RALGPS1: variants seen among roughly 807,000 people sequenced by gnomAD.
The protein encoded by RALGPS1 is ras-specific guanine nucleotide-releasing factor RalGPS1.
Under a neutral mutation model 78.8 loss-of-function variants are expected in RALGPS1, and 19 were observed. The ratio of observed to expected loss-of-function variants is 0.24; its 90% CI spans 0.17 to 0.35. RALGPS1 has a LOEUF of 0.35. Ranked by LOEUF, RALGPS1 falls within the 10% of genes least tolerant of loss-of-function variation. The probability of loss-of-function intolerance (pLI) is 1.00; values close to 1 mark genes in which losing one functional copy is unlikely to be tolerated. For missense variants in RALGPS1, 454 were observed against 688.3 expected, an observed-to-expected ratio of 0.66 and a Z score of 3.81; for synonymous variants, 228 against 256.3, an observed-to-expected ratio of 0.89 and a Z score of 1.06.
intron 8 of RALGPS1, among the ~76,000 whole-genome samples, chr9:127,073,508 T>G (rs1221023228): frequency 6.9e-6 from 1 of 145,582 alleles, no homozygotes; most frequent in Non-Finnish European, 1.6e-5. Context: ...CTTTATCCAT[T>G]TATCTGCTGA....
Position 127,212,091 on chromosome 9 carries a change from G to T in RALGPS1, c.1248-40G>T. On this transcript the variant is annotated intron_variant, in intron 14 of 18. Coordinates refer to ENST00000259351, the MANE Select transcript of RALGPS1 (RefSeq NM_014636.3). This position sits in a 1 kb window ranked among gnomAD's most constrained non-coding sequence, Gnocchi z 6.0. Reference sequence around the variant, plus strand: ...GTGAGTGAGAGGGTGCTTGACCTCAGCTCCTCCAGGGCGATGTCTGACTGG... The same window carrying T: ...GTGAGTGAGAGGGTGCTTGACCTCATCTCCTCCAGGGCGATGTCTGACTGG... The T allele has an allele frequency of 6.5e-7, 1 of 1,539,670 alleles. No homozygotes were observed. The highest frequency in any genetic ancestry group is 8.9e-7 in the Non-Finnish European group (1 of 1,129,804).
chr9:126,949,397 C>G (rs1443764609), intron 1 of RALGPS1, among the ~76,000 whole-genome samples: 1 of 152,058 alleles, frequency 6.6e-6, no homozygotes, highest in East Asian at 1.9e-4. Flanking sequence ...CACTGACTTC[C>G]ACAATGGTTG....
At chr9:126,964,363 C>A (rs1177765217) in intron 2 of RALGPS1, among the ~76,000 whole-genome samples, 1 of 146,278 alleles carries the variant, frequency 6.8e-6, no homozygotes, top group Admixed American at 6.8e-5. Context: ...AGCGAGACTC[C>A]CACTCAAAAA....
intron 11 of RALGPS1, among the ~76,000 whole-genome samples, chr9:127,175,861 G>A (rs370449052): frequency 1.8e-4 from 27 of 152,118 alleles, no homozygotes; most frequent in African/African-American, 5.5e-4. Context: ...CCCCTAGCCC[G>A]TTGACCTGCT....
chr9:126,978,600 C>T (rs1450828276), intron 4 of RALGPS1, among the ~76,000 whole-genome samples: 1 of 142,688 alleles, frequency 7.0e-6, no homozygotes, highest in Non-Finnish European at 1.5e-5. Flanking sequence ...AAGAGCGAGA[C>T]TCTGTCAAAA....
At chr9:127,188,201 A>G (rs938586841) in intron 11 of RALGPS1, among the ~76,000 whole-genome samples, 3 of 151,746 alleles carry the variant, frequency 2.0e-5, no homozygotes, top group African/African-American at 4.8e-5. Context: ...AGCTGGGACT[A>G]TAGGTGCCTG....
intron 8 of RALGPS1, among the ~76,000 whole-genome samples, chr9:127,133,344 A>G (rs1588091701): frequency 6.6e-6 from 1 of 152,226 alleles, no homozygotes; most frequent in East Asian, 1.9e-4. Context: ...CTGACACTGG[A>G]AACCCCCTCT....
At chr9:127,202,594 C>T (rs991666476) in intron 14 of RALGPS1, among the ~76,000 whole-genome samples, 7 of 152,264 alleles carry the variant, frequency 4.6e-5, no homozygotes, top group South Asian at 2.1e-4. Flanking sequence ...GGCAAGGACA[C>T]AGGGCCTGTG....
At chr9:126,975,933 A>G (rs933162347) in intron 3 of RALGPS1, among the ~76,000 whole-genome samples, 2 of 152,136 alleles carry the variant, frequency 1.3e-5, no homozygotes, top group Non-Finnish European at 2.9e-5. Flanking sequence ...CATGAAGAAC[A>G]CTAGCTCCGC....
At chr9:127,210,650 G>C in intron 14 of RALGPS1, 1 of 1,430,296 alleles carries the variant, frequency 7.0e-7, no homozygotes, top group South Asian at 1.2e-5. Context: ...AGGAGCATCT[G>C]GTCTTTCAAA....
intron 4 of RALGPS1, among the ~76,000 whole-genome samples, chr9:127,030,574 G>A (rs185641159): frequency 7.8e-4 from 119 of 152,252 alleles, no homozygotes; most frequent in African/African-American, 2.8e-3. Context: ...GTGAGTTTAA[G>A]TCGTTCTCTT....
chr9:127,087,082 G>A (rs1238369517), intron 8 of RALGPS1, among the ~76,000 whole-genome samples: 1 of 152,192 alleles, frequency 6.6e-6, no homozygotes, highest in African/African-American at 2.4e-5. Context: ...TGCCCGTGAG[G>A]TGCTTGGAGG....
chr9:127,000,590 C>T (rs541487829), intron 4 of RALGPS1, among the ~76,000 whole-genome samples: 5 of 112,264 alleles, frequency 4.5e-5, no homozygotes, highest in South Asian at 3.1e-4. Flanking sequence ...CTCTTGTTGC[C>T]GAGGCTGGAG....
intron 4 of RALGPS1, among the ~76,000 whole-genome samples, chr9:127,013,397 C>T (rs540457456): frequency 6.6e-6 from 1 of 152,226 alleles, no homozygotes; most frequent in South Asian, 2.1e-4. Context: ...CTGATTCTTT[C>T]CCCAGAATCC....
intron 8 of RALGPS1, among the ~76,000 whole-genome samples, chr9:127,132,496 C>T (rs114794477): frequency 0.011 from 1,685 of 152,342 alleles, 19 homozygotes; most frequent in South Asian, 0.034. Context: ...GTGTTCTTCC[C>T]TCCCCAGCAC....
At chr9:127,018,402 C>T (rs1459663556) in intron 4 of RALGPS1, among the ~76,000 whole-genome samples, 1 of 151,938 alleles carries the variant, frequency 6.6e-6, no homozygotes. Flanking sequence ...CTTTGGGAGG[C>T]CAAGGCAGGT....
Position 127,212,025 on chromosome 9 carries a change from G to T in RALGPS1, c.1248-106G>T. On this transcript the variant is annotated intron_variant, in intron 14 of 18. Coordinates refer to ENST00000259351, the MANE Select transcript of RALGPS1 (RefSeq NM_014636.3). This position sits in a 1 kb window ranked among gnomAD's most constrained non-coding sequence, Gnocchi z 6.0. Reference sequence around the variant, plus strand: ...TCTGCGCCGTTAAGTCTGGACTGCTGGGATGTCATGGACTTGGTAGTGGGG... The same window carrying T: ...TCTGCGCCGTTAAGTCTGGACTGCTTGGATGTCATGGACTTGGTAGTGGGG... 1.2e-6 allele frequency: 1 copy of T among 855,338 alleles called. No homozygotes were observed. The highest frequency in any genetic ancestry group is 1.8e-5 in the South Asian group (1 of 56,212). The allele number at this position is 855,338 out of a possible 1,614,324, so 53.0% of individuals were successfully genotyped here.
intron 1 of RALGPS1, among the ~76,000 whole-genome samples, chr9:126,943,502 G>A (rs2036968733): frequency 6.6e-6 from 1 of 152,116 alleles, no homozygotes; most frequent in Non-Finnish European, 1.5e-5. Context: ...CAAATGGGTG[G>A]ACTCCTCTCA....
intron 8 of RALGPS1, among the ~76,000 whole-genome samples, chr9:127,131,087 G>A (rs1199854953): frequency 6.6e-6 from 1 of 152,196 alleles, no homozygotes; most frequent in East Asian, 1.9e-4. Context: ...TGACTCAGTC[G>A]TCTTGAATAG....
Sources: gnomAD v4.1 joint callset for allele counts (sites outside exome capture counted in the v4.1 genomes callset) on GRCh38, gnomAD v4.1.1 for gene constraint, Gnocchi (gnomAD v3.1) non-coding constraint, MANE v1.5 for transcripts, NCBI Gene and HGNC (gene_info 2026-07-23, HGNC 2026-07-21) for gene names.